Variants in DIS3L observed in about 807,000 individuals in gnomAD.
DIS3L encodes DIS3-like exonuclease 1.
In DIS3L, 100 loss-of-function variants were observed where a neutral mutation model predicts 120.3. The ratio of observed to expected loss-of-function variants is 0.83; its 90% CI spans 0.71 to 0.98. The LOEUF is 0.98. DIS3L is among the 50% of genes least tolerant of loss of function. The pLI is 0.00. For synonymous variants in DIS3L, 426 were observed against 470.6 expected, an observed-to-expected ratio of 0.91 and a Z score of 1.23; for missense variants, 1,196 against 1,314.2, an observed-to-expected ratio of 0.91 and a Z score of 1.39.
intron 2 of DIS3L, among the ~76,000 whole-genome samples, chr15:66,304,885 A>G: frequency 7.0e-6 from 1 of 142,910 alleles, no homozygotes; most frequent in Admixed American, 7.1e-5. Context: ...TAGGCAACAG[A>G]GTAAGACTCC....
rs528648726 is a variant in DIS3L, at chr15:66,299,911, G to C, written c.293+4770G>C. Among the ~76,000 whole-genome samples the C allele has an allele frequency of 5.9e-5, 9 of 152,124 alleles. No individual in the cohort carries two copies. In the East Asian group the frequency reaches 1.7e-3, roughly 30 times the overall value. The stretch of plus-strand genomic sequence containing the variant: ...CTAAAATACAAAAAATTAGCCAGCT[G>C]TGTGTGATGCACGCCTGTAGTCCTA... On this transcript the variant is annotated intron_variant, in intron 2 of 16. Transcript: ENST00000319212.
rs796186674 is a variant in DIS3L at position 66,317,345 on chromosome 15, G to GA, written c.995-1087dup. ...GTTGGAGCTCAGTAAATATTTGTGGGAAAAAAAAAAAAAAAAAGAAAAAAG... is the reference window on the plus strand; with the variant it reads ...GTTGGAGCTCAGTAAATATTTGTGGGAAAAAAAAAAAAAAAAAAGAAAAAAG... On this transcript the variant is annotated intron_variant, in intron 7 of 16. Transcript: ENST00000319212. Among the ~76,000 whole-genome samples the GA allele has an allele frequency of 5.4e-4, 73 of 135,434 alleles. 1 individual carries two copies. In the South Asian group the frequency reaches 7.0e-3, roughly 13 times the overall value. The allele number at this position is 135,434 out of a possible 152,430, so 88.8% of individuals were successfully genotyped here. A position where few individuals can be genotyped will look rare whatever the true frequency, so the allele number is the denominator to read the frequency against.
intron 3 of DIS3L, 124 bp from the exon 4 acceptor site, chr15:66,308,585 T>C: frequency 7.9e-7 from 1 of 1,268,422 alleles, no homozygotes; most frequent in South Asian, 2.0e-5. Flanking sequence ...TCCAGAAGTA[T>C]TTGTTGAACG....
chr15:66,296,376 T>C (rs1029723805), intron 2 of DIS3L, among the ~76,000 whole-genome samples: 3 of 152,180 alleles, frequency 2.0e-5, no homozygotes, highest in Admixed American at 6.5e-5. Flanking sequence ...CCTTACCATG[T>C]CTTTGAATAT....
At chr15:66,318,964 T>C (rs1395130350) in intron 8 of DIS3L, among the ~76,000 whole-genome samples, 1 of 152,166 alleles carries the variant, frequency 6.6e-6, no homozygotes, top group Admixed American at 6.5e-5. Flanking sequence ...GGCTAATTTT[T>C]GTATTTTTAG....
rs772386921 is a variant in DIS3L, at chr15:66,326,237, G to A, written c.2074G>A (p.Val692Ile). 1 of 1,614,142 alleles carries A rather than the reference G, an allele frequency of 6.2e-7. No individual in the cohort carries two copies. Among genetic ancestry groups the A allele is most frequent in the East Asian group, 2.2e-5 (1 of 44,876 alleles). Reference sequence around the variant, plus strand: ...ATGCATGATCCTGGCCAACCACTGGGTCGCCAAAAAGATCTGGGAGAGCTT... The same window carrying A: ...ATGCATGATCCTGGCCAACCACTGGATCGCCAAAAAGATCTGGGAGAGCTT... ...AECMILANHW[V>I]AKKIWESFPH... Residue 692 changes from valine (V) to isoleucine (I), a missense_variant, in exon 12 of 17, where the codon GTC (valine) becomes ATC (isoleucine). Coordinates refer to ENST00000319212, the MANE Select transcript of DIS3L (RefSeq NM_001143688.3).
chr15:66,304,770 GGGCTCCTGTAATCCCAGCTGCTCGGGA>G lies in DIS3L; in HGVS notation c.294-2049_294-2023del, dbSNP rs1347745888. On this transcript the variant is annotated intron_variant, in intron 2 of 16. Transcript: ENST00000319212. ...ACCAAAATTAGCCAGGCATGGTGGCGGGCTCCTGTAATCCCAGCTGCTCGGGAGGCTGGGGCAGGAGAATCACTTGAA... is the reference window on the plus strand; with the variant it reads ...ACCAAAATTAGCCAGGCATGGTGGCGGGCTGGGGCAGGAGAATCACTTGAA... Among the ~76,000 whole-genome samples the G allele has an allele frequency of 4.6e-5, 7 of 151,410 alleles. No homozygotes were observed. The South Asian group carries it at 1.5e-3, about 32-fold the overall frequency.
chr15:66,331,380 C>G (rs937877647), intron 14 of DIS3L: 1 of 152,106 alleles, frequency 6.6e-6, no homozygotes. Flanking sequence ...ACAGTGAAAC[C>G]CCATTTCTAC....
At chr15:66,330,632 C>A (rs1218529530) in intron 14 of DIS3L, 1 of 717,342 alleles carries the variant, frequency 1.4e-6, no homozygotes, top group Non-Finnish European at 1.7e-6. Flanking sequence ...GTCTCAGTCA[C>A]ACTGGCCACA....
At chr15:66,294,516 T>G in intron 1 of DIS3L, 1 of 989,000 alleles carries the variant, frequency 1.0e-6, no homozygotes, top group Non-Finnish European at 1.2e-6. Flanking sequence ...ACCTCACCTC[T>G]GCACGTTGCT....
intron 14 of DIS3L, chr15:66,331,465 G>GA (rs1217647394): frequency 6.6e-6 from 1 of 152,504 alleles, no homozygotes; most frequent in Non-Finnish European, 1.5e-5. Flanking sequence ...TGAGGCAGGA[G>GA]AATGACGTGA....
At chr15:66,306,998 A>T in intron 3 of DIS3L, 46 bp downstream of exon 3, 1 of 1,605,912 alleles carries the variant, frequency 6.2e-7, no homozygotes. Context: ...GTCTTCTTTC[A>T]TTTCCTCATC....
chr15:66,319,483 G>A (rs1320598427), intron 8 of DIS3L, among the ~76,000 whole-genome samples: 1 of 152,202 alleles, frequency 6.6e-6, no homozygotes, highest in African/African-American at 2.4e-5. Flanking sequence ...GGATGATGTA[G>A]TGGTACTTCA....
chr15:66,330,033 T>C (rs936846066), intron 14 of DIS3L: 26 of 985,218 alleles, frequency 2.6e-5, no homozygotes, highest in Non-Finnish European at 3.1e-5. Flanking sequence ...CCAGATGCGG[T>C]GGCTTGCACC....
Position 66,295,041 on chromosome 15 carries a change from G to T in DIS3L, c.193G>T (p.Val65Phe), listed in dbSNP as rs773071004. ...TCATTACGTGATCCCAGACTGGAAA[G>T]TTGTTCAAGATTATCTTGAGATCCT... ...VTHYVIPDWK[V>F]VQDYLEILEF... The change falls in exon 2 of 17, where the codon GTT becomes TTT. Residue 65 changes from valine to phenylalanine, a missense_variant. Val to Phe is a conservative substitution (Grantham distance 50). Coordinates refer to ENST00000319212, the MANE Select transcript of DIS3L (RefSeq NM_001143688.3). 1.2e-6 allele frequency: 2 copies of T among 1,614,004 alleles called. No individual in the cohort carries two copies. Among genetic ancestry groups the T allele is most frequent in the Admixed American group, 1.7e-5 (1 of 59,996 alleles).
chr15:66,314,262 GGTGGTTC>G (rs1220335841), intron 6 of DIS3L, 145 bp downstream of exon 6: 4 of 543,432 alleles, frequency 7.4e-6, no homozygotes, highest in Non-Finnish European at 5.9e-6. Context: ...TGTGGCGGGG[GGTGGTTC>G]CCCTAGCTTT....
intron 8 of DIS3L, among the ~76,000 whole-genome samples, chr15:66,319,952 TAAAAAAAA>T (rs34195061): frequency 1.9e-5 from 2 of 108,046 alleles, no homozygotes; most frequent in African/African-American, 3.8e-5. Context: ...CCATTTCTAC[TAAAAAAAA>T]AAAAAAAAAA....
At chr15:66,323,697 G>A in intron 11 of DIS3L, 112 bp downstream of exon 11, 3 of 1,117,856 alleles carry the variant, frequency 2.7e-6, no homozygotes, top group Non-Finnish European at 4.0e-6. Context: ...CCAGCCCTGT[G>A]TCTCCCCTCT....
At chr15:66,321,394 G>A (rs995903023) in intron 9 of DIS3L, among the ~76,000 whole-genome samples, 3 of 151,880 alleles carry the variant, frequency 2.0e-5, no homozygotes, top group African/African-American at 4.8e-5. Flanking sequence ...GGTAAATTAC[G>A]GTATATTGAC....
Sources: gnomAD v4.1 joint callset for allele counts (sites outside exome capture counted in the v4.1 genomes callset) on GRCh38, gnomAD v4.1.1 for gene constraint, MANE v1.5 for transcripts, NCBI Gene and HGNC (gene_info 2026-07-23, HGNC 2026-07-21) for gene names.